The following PKNOX2 variants were observed in gnomAD, a reference collection of about 807,000 sequenced individuals.
PKNOX2 encodes the protein homeobox protein PKNOX2.
Under a neutral mutation model 53.1 loss-of-function variants are expected in PKNOX2, and 14 were observed. The ratio of observed to expected loss-of-function variants is 0.26; its 90% confidence interval spans 0.17 to 0.41. The LOEUF is 0.41. PKNOX2 is among the 10% of genes least tolerant of loss of function. The pLI, the probability that PKNOX2 is intolerant of heterozygous loss-of-function variation, is 1.00. For synonymous variants in PKNOX2, 257 were observed against 242.8 expected, an observed-to-expected ratio of 1.06 and a Z score of -0.54; for missense variants, 496 against 602.8, an observed-to-expected ratio of 0.82 and a Z score of 1.85.
intron 2 of PKNOX2, among the ~76,000 whole-genome samples, chr11:125,269,124 A>G (rs950255436): frequency 1.2e-4 from 18 of 152,242 alleles, no homozygotes; most frequent in Admixed American, 7.8e-4. Flanking sequence ...AAAATAAAGA[A>G]AGTGTGAATT....
chr11:125,244,110 G>A (rs981184150), intron 2 of PKNOX2, among the ~76,000 whole-genome samples: 1 of 152,234 alleles, frequency 6.6e-6, no homozygotes, highest in Non-Finnish European at 1.5e-5. Flanking sequence ...GAGCTACAGG[G>A]CAAAGCAAGG....
At chr11:125,368,051 A>C in intron 5 of PKNOX2, 66 bp downstream of exon 5, 1 of 1,550,918 alleles carries the variant, frequency 6.4e-7, no homozygotes, top group Non-Finnish European at 8.7e-7. Flanking sequence ...GCTGTGAGGG[A>C]TGAGAATGCA....
intron 10 of PKNOX2, among the ~76,000 whole-genome samples, chr11:125,412,705 G>C (rs544144653): frequency 6.6e-6 from 1 of 152,106 alleles, no homozygotes; most frequent in Non-Finnish European, 1.5e-5. Flanking sequence ...ATTAGTCTGC[G>C]AGCTCCTGCC....
At chr11:125,384,982 C>T (rs938119936) in intron 5 of PKNOX2, among the ~76,000 whole-genome samples, 3 of 152,118 alleles carry the variant, frequency 2.0e-5, no homozygotes, top group Admixed American at 1.3e-4. Flanking sequence ...GGGTATCTGA[C>T]CTAAACTGAG....
At chr11:125,298,935 A>C (rs1947842050) in intron 2 of PKNOX2, among the ~76,000 whole-genome samples, 1 of 152,170 alleles carries the variant, frequency 6.6e-6, no homozygotes, top group African/African-American at 2.4e-5. Context: ...GTGTTAGGCT[A>C]TTCTTGCATT....
chr11:125,424,618 C>G (rs557265160), intron 10 of PKNOX2, among the ~76,000 whole-genome samples: 1 of 152,108 alleles, frequency 6.6e-6, no homozygotes, highest in Non-Finnish European at 1.5e-5. Context: ...AATGGAAGCT[C>G]GCTGATCTGA....
chr11:125,276,818 C>A (rs1946194696), intron 2 of PKNOX2, among the ~76,000 whole-genome samples: 1 of 152,112 alleles, frequency 6.6e-6, no homozygotes, highest in African/African-American at 2.4e-5. Flanking sequence ...GTCTAGTCAG[C>A]AAATTTGTAT....
chr11:125,271,111 T>C (rs190788878), intron 2 of PKNOX2, among the ~76,000 whole-genome samples: 43 of 152,268 alleles, frequency 2.8e-4, no homozygotes, highest in Admixed American at 2.7e-3. Flanking sequence ...GATGTTTGAA[T>C]GATTTCACAG....
intron 7 of PKNOX2, among the ~76,000 whole-genome samples, chr11:125,401,766 A>AGAGTGT (rs1555170945): frequency 0.086 from 12,819 of 149,244 alleles, 602 homozygotes; most frequent in South Asian, 0.12. Context: ...GGAGCTTGTG[A>AGAGTGT]GTGTGTGTGT....
intron 4 of PKNOX2, among the ~76,000 whole-genome samples, chr11:125,367,386 A>G (rs1952244517): frequency 6.6e-6 from 1 of 152,226 alleles, no homozygotes; most frequent in Non-Finnish European, 1.5e-5. Flanking sequence ...CACTGGGACC[A>G]TAGCCTGTGG....
rs1040890296 is a variant in PKNOX2, at chr11:125,433,301, A to G, written c.*1909A>G. On this transcript the variant is annotated 3_prime_UTR_variant, in exon 13 of 13. Transcript: ENST00000298282. Reference sequence around the variant, plus strand: ...TTCCTCTCAGCCCCTCCACCTGCCTAATGTTATGCAACCTCCTTCTGATGT... The same window carrying G: ...TTCCTCTCAGCCCCTCCACCTGCCTGATGTTATGCAACCTCCTTCTGATGT... The G allele has an allele frequency of 1.3e-5, 2 of 152,710 alleles. No individual in the cohort carries two copies. The highest frequency in any genetic ancestry group is 4.8e-5 in the African/African-American group (2 of 41,434). The allele number at this position is 152,710 out of a possible 1,614,324, so 9.5% of individuals were successfully genotyped here.
intron 1 of PKNOX2, among the ~76,000 whole-genome samples, chr11:125,194,741 G>A (rs998530305): frequency 9.2e-5 from 14 of 152,182 alleles, no homozygotes; most frequent in African/African-American, 3.1e-4. Flanking sequence ...AATGTCATGA[G>A]TTAAAACAGA....
chr11:125,301,535 A>G (rs11602925), intron 2 of PKNOX2, among the ~76,000 whole-genome samples: 34,119 of 151,744 alleles, frequency 0.22, 4,289 homozygotes, highest in East Asian at 0.39. Flanking sequence ...ATTATCAAGG[A>G]TTTCAGCTCC....
At chr11:125,372,172 G>T (rs114244706) in intron 5 of PKNOX2, among the ~76,000 whole-genome samples, 8 of 152,120 alleles carry the variant, frequency 5.3e-5, no homozygotes, top group Middle Eastern at 3.2e-3. Flanking sequence ...TTGATGTGCC[G>T]GCAAACGTCT....
At chr11:125,254,423 G>C (rs1377758322) in intron 2 of PKNOX2, among the ~76,000 whole-genome samples, 2 of 152,222 alleles carry the variant, frequency 1.3e-5, no homozygotes, top group African/African-American at 2.4e-5. Flanking sequence ...GCAGCAAGGG[G>C]AGAAAGAAAA....
chr11:125,368,669 G>C (rs140748748), intron 5 of PKNOX2, among the ~76,000 whole-genome samples: 1 of 152,292 alleles, frequency 6.6e-6, no homozygotes, highest in African/African-American at 2.4e-5. Context: ...GTTTCTTCTT[G>C]TTCTGCATCT....
At chr11:125,208,222 G>A (rs1565469557) in intron 1 of PKNOX2, among the ~76,000 whole-genome samples, 1 of 152,032 alleles carries the variant, frequency 6.6e-6, no homozygotes, top group Non-Finnish European at 1.5e-5. Context: ...GATATGCAAA[G>A]GTCCTGAGGC....
At chr11:125,242,309 G>A (rs573245235) in intron 2 of PKNOX2, among the ~76,000 whole-genome samples, 4 of 152,280 alleles carry the variant, frequency 2.6e-5, no homozygotes, top group South Asian at 2.1e-4. Context: ...CCTGTAGGGA[G>A]GTAAAAGCTC....
intron 1 of PKNOX2, among the ~76,000 whole-genome samples, chr11:125,180,980 C>T (rs1956128124): frequency 6.6e-6 from 1 of 152,218 alleles, no homozygotes; most frequent in Admixed American, 6.5e-5. Flanking sequence ...TCCTGCACTT[C>T]AGGAACTTCT....
Sources: allele counts gnomAD v4.1 joint callset (sites outside exome capture counted in the v4.1 genomes callset), GRCh38; gene constraint gnomAD v4.1.1; transcripts MANE v1.5; gene names NCBI Gene and HGNC (gene_info 2026-07-23, HGNC 2026-07-21).